The following GRM7 variants were observed in gnomAD, a reference collection of about 807,000 sequenced individuals.
GRM7 encodes metabotropic glutamate receptor 7.
GRM7 carries 35 observed loss-of-function variants against 84.5 expected under a neutral mutation model. The observed-to-expected ratio is 0.41, with a 90% confidence interval of 0.32 to 0.55. The LOEUF (loss-of-function observed/expected upper bound fraction) is 0.55, where lower values mean the gene tolerates loss of function less well. Among genes scored for constraint, GRM7 ranks in the 20% least tolerant of loss-of-function variants. GRM7 has a pLI of 0.19. For synonymous variants in GRM7, 487 were observed against 455.1 expected (o/e 1.07, Z -0.89); for missense variants, 1,003 against 1,194.6 (o/e 0.84, Z 2.36).
intron 1 of GRM7, among the ~76,000 whole-genome samples, chr3:7,091,219 AAAAAAG>A (rs1200991361): frequency 6.6e-6 from 1 of 151,768 alleles, no homozygotes; most frequent in Non-Finnish European, 1.5e-5. Context: ...ACCAAAAAAA[AAAAAAG>A]AAAAAAGAAA....
intron 1 of GRM7, among the ~76,000 whole-genome samples, chr3:7,129,605 A>G (rs1369473110): frequency 6.6e-6 from 1 of 152,144 alleles, no homozygotes; most frequent in Non-Finnish European, 1.5e-5. Context: ...ACAACTGCCC[A>G]TTTGTCTTTT....
chr3:6,928,040 C>G lies in GRM7; in HGVS notation c.519+66133C>G, dbSNP rs1697374171. On this transcript the variant is annotated intron_variant, in intron 1 of 9. Transcript: ENST00000357716. The surrounding 1 kb of genome is among the most constrained non-coding windows in gnomAD (Gnocchi z 4.5). ...TAGGCAATTTTTCAGAAATCTAAATCTAGACCTTCACATTTGAAATTATTT... is the reference window on the plus strand; with the variant it reads ...TAGGCAATTTTTCAGAAATCTAAATGTAGACCTTCACATTTGAAATTATTT... 6.6e-6 allele frequency among the ~76,000 whole-genome samples: 1 copy of G among 152,080 alleles called. No individual in the cohort carries two copies. Among genetic ancestry groups the G allele is most frequent in the African/African-American group, 2.4e-5 (1 of 41,420 alleles).
chr3:7,359,024 C>G (rs997044212), intron 4 of GRM7, among the ~76,000 whole-genome samples: 21 of 138,796 alleles, frequency 1.5e-4, no homozygotes, highest in African/African-American at 5.6e-4. Context: ...GAAGCTGAGA[C>G]AGGAGGATCA....
intron 1 of GRM7, among the ~76,000 whole-genome samples, chr3:7,110,002 C>T (rs1265992922): frequency 6.6e-6 from 1 of 151,956 alleles, no homozygotes; most frequent in Non-Finnish European, 1.5e-5. Context: ...CCATTTTAAC[C>T]TACAAATGTA....
At chr3:7,156,628 G>C (rs1359658416) in intron 2 of GRM7, among the ~76,000 whole-genome samples, 1 of 152,202 alleles carries the variant, frequency 6.6e-6, no homozygotes, top group South Asian at 2.1e-4. Context: ...AGTTGACTGT[G>C]TACAAAAAAC....
intron 9 of GRM7, among the ~76,000 whole-genome samples, chr3:7,718,034 C>T (rs1308987882): frequency 7.1e-6 from 1 of 141,126 alleles, no homozygotes; most frequent in Non-Finnish European, 1.5e-5. Context: ...AAGAGGTTTG[C>T]AGGGTTCACA....
rs367979715 is a variant in GRM7 at position 7,539,653 on chromosome 3, C to T, written c.1516-38769C>T. 1.0e-4 allele frequency among the ~76,000 whole-genome samples: 13 copies of T among 129,542 alleles called. No homozygotes were observed. In the South Asian group the frequency reaches 1.3e-3, roughly 13 times the overall value. 85.0% of individuals were successfully genotyped at this position (129,542 alleles called of 152,430 possible). On this transcript the variant is annotated intron_variant, in intron 7 of 9. Transcript: ENST00000357716. ...TCGCGCCACTGCACTCCAGCCTGGG[C>T]GACAGAGCAAGACTCTGTCTCAAAA... is the stretch of plus-strand genomic sequence containing the variant.
At chr3:7,316,923 C>G (rs1700602785) in intron 4 of GRM7, among the ~76,000 whole-genome samples, 1 of 152,086 alleles carries the variant, frequency 6.6e-6, no homozygotes, top group Non-Finnish European at 1.5e-5. Context: ...TATTCTGTCA[C>G]TTGCTAGAAT....
At chr3:7,714,238 A>G (rs1044907176) in intron 9 of GRM7, among the ~76,000 whole-genome samples, 1 of 152,118 alleles carries the variant, frequency 6.6e-6, no homozygotes, top group African/African-American at 2.4e-5. Context: ...AGGCCTTTTC[A>G]CACATATCTA....
rs1312577474 is a variant in GRM7, at chr3:7,620,435, AATGT to A, written c.2451+41079_2451+41082del. Among the ~76,000 whole-genome samples, 4 of 152,236 alleles carry A rather than the reference AATGT, an allele frequency of 2.6e-5. No individual in the cohort carries two copies. The East Asian group carries it at 7.7e-4, about 29-fold the overall frequency. On this transcript the variant is annotated intron_variant, in intron 8 of 9. Transcript: ENST00000357716. ...TTTTAGAAAGATTAAATATTAAGTG[AATGT>A]CTTGGTGAATTATGACTTATAGCCA...
At chr3:6,874,546 G>T (rs1019145033) in intron 1 of GRM7, among the ~76,000 whole-genome samples, 4 of 152,086 alleles carry the variant, frequency 2.6e-5, no homozygotes, top group African/African-American at 7.2e-5. Context: ...TCTCCCACTC[G>T]GGTAGGAAAA....
chr3:7,170,449 G>T (rs997987487), intron 2 of GRM7, among the ~76,000 whole-genome samples: 1 of 152,082 alleles, frequency 6.6e-6, no homozygotes, highest in South Asian at 2.1e-4. Context: ...CCACTTCTTA[G>T]GATGACTATC....
chr3:7,423,491 A>T (rs559807198), intron 5 of GRM7, among the ~76,000 whole-genome samples: 37 of 152,320 alleles, frequency 2.4e-4, no homozygotes, highest in African/African-American at 8.7e-4. Flanking sequence ...GTGCCCTTAT[A>T]AGCAATAGAA....
At chr3:6,926,340 A>G (rs747594139) in intron 1 of GRM7, among the ~76,000 whole-genome samples, 5 of 152,224 alleles carry the variant, frequency 3.3e-5, no homozygotes, top group Non-Finnish European at 7.3e-5. Context: ...ACATATGTAC[A>G]TAATTTTACC....
chr3:7,606,241 A>G lies in GRM7; in HGVS notation c.2451+26884A>G, dbSNP rs559699555. ...AGTAGTAACAGAGCAAATGAACCAG[A>G]TGACTTCTAGCTCCTCTTTTTTTTT... On this transcript the variant is annotated intron_variant, in intron 8 of 9. Transcript: ENST00000357716. 1.5e-4 allele frequency among the ~76,000 whole-genome samples: 22 copies of G among 151,380 alleles called. No homozygotes were observed. In the South Asian group the frequency reaches 2.3e-3, roughly 16 times the overall value.
chr3:7,480,818 T>A (rs189292610), intron 7 of GRM7, among the ~76,000 whole-genome samples: 4 of 152,300 alleles, frequency 2.6e-5, no homozygotes, highest in Admixed American at 1.3e-4. Context: ...ACATTCTGAT[T>A]CTATTGAAGC....
chr3:7,705,647 T>G (rs1701360274), intron 9 of GRM7, among the ~76,000 whole-genome samples: 1 of 152,210 alleles, frequency 6.6e-6, no homozygotes, highest in Non-Finnish European at 1.5e-5. Context: ...CAAAGAGAAC[T>G]TGTGCAATGG....
chr3:7,292,713 TTTC>T (rs1699673870), intron 2 of GRM7, among the ~76,000 whole-genome samples: 3 of 147,474 alleles, frequency 2.0e-5, no homozygotes, highest in African/African-American at 7.4e-5. Context: ...ACATATATTA[TTTC>T]TTTTTTTTTT....
At chr3:6,905,287 A>T (rs1696534251) in intron 1 of GRM7, among the ~76,000 whole-genome samples, 1 of 152,150 alleles carries the variant, frequency 6.6e-6, no homozygotes, top group Non-Finnish European at 1.5e-5. Context: ...ACAGAGTTAA[A>T]GTTTTTGCTA....
Sources: gnomAD v4.1 joint callset for allele counts (sites outside exome capture counted in the v4.1 genomes callset) on GRCh38, gnomAD v4.1.1 for gene constraint, Gnocchi (gnomAD v3.1) non-coding constraint, MANE v1.5 for transcripts, NCBI Gene and HGNC (gene_info 2026-07-23, HGNC 2026-07-21) for gene names.